ADGRG6: variants seen among roughly 807,000 people sequenced by gnomAD.
The protein encoded by ADGRG6 is G-protein coupled receptor 126.
In ADGRG6, 84 loss-of-function variants were observed where a neutral mutation model predicts 142.4. That is an observed-to-expected ratio of 0.59 (90% CI 0.49 to 0.71). The LOEUF is 0.71. ADGRG6 is among the 30% of genes least tolerant of loss of function. The pLI, the probability that ADGRG6 is intolerant of heterozygous loss-of-function variation, is 0.00. For synonymous variants in ADGRG6, 521 were observed against 520.5 expected, an observed-to-expected ratio of 1.00 and a Z score of -0.01; for missense variants, 1,367 against 1,466.6, an observed-to-expected ratio of 0.93 and a Z score of 1.11.
At chr6:142,376,821 A>G (rs1781524656) in intron 4 of ADGRG6, among the ~76,000 whole-genome samples, 1 of 152,196 alleles carries the variant, frequency 6.6e-6, no homozygotes, top group South Asian at 2.1e-4. Flanking sequence ...AACTGCAAAG[A>G]AAAAAATGAA....
chr6:142,371,963 C>A (rs1160393120), intron 4 of ADGRG6, among the ~76,000 whole-genome samples: 5 of 152,112 alleles, frequency 3.3e-5, no homozygotes, highest in Non-Finnish European at 7.4e-5. Flanking sequence ...AGGAATTATC[C>A]ATTTTTTTCT....
intron 24 of ADGRG6, among the ~76,000 whole-genome samples, chr6:142,439,293 C>A (rs1349115707): frequency 6.6e-6 from 1 of 152,214 alleles, no homozygotes; most frequent in Non-Finnish European, 1.5e-5. Flanking sequence ...AAACAGAGCA[C>A]TTTCCTAATT....
At position 142,443,526 on chromosome 6, in the gene ADGRG6, A is replaced by G; in HGVS notation, c.*11A>G. 6.3e-7 allele frequency: 1 copy of G among 1,585,168 alleles called. No individual in the cohort carries two copies. ...AGCACAAAGTTTTAATGTCTTTAAG[A>G]AAAAGAAATCAATCTGCAGAAATGT... is the stretch of plus-strand genomic sequence containing the variant. On this transcript the variant is annotated 3_prime_UTR_variant, in exon 25 of 25. Coordinates refer to ENST00000367609, the MANE Select transcript of ADGRG6 (RefSeq NM_198569.3).
At chr6:142,385,695 T>C (rs1459223409) in intron 6 of ADGRG6, among the ~76,000 whole-genome samples, 2 of 152,174 alleles carry the variant, frequency 1.3e-5, no homozygotes, top group Non-Finnish European at 2.9e-5. Flanking sequence ...GAAGCCTTTA[T>C]TATCTTTTTA....
At chr6:142,338,017 G>GTTTTGTTTTTTTTTTTT (rs1779411162) in intron 2 of ADGRG6, among the ~76,000 whole-genome samples, 1 of 35,392 alleles carries the variant, frequency 2.8e-5, no homozygotes, top group Non-Finnish European at 4.7e-5. Context: ...TTGTATCTTT[G>GTTTTGTTTTTTTTTTTT]TTTTTTTTTT....
intron 2 of ADGRG6, among the ~76,000 whole-genome samples, 169 bp downstream of exon 2, chr6:142,309,813 T>G (rs1777679367): frequency 6.6e-6 from 1 of 151,806 alleles, no homozygotes; most frequent in African/African-American, 2.4e-5. Context: ...TCTGTTCTCT[T>G]TGAATTTTGT....
At chr6:142,427,484 C>A (rs1777002681) in intron 22 of ADGRG6, among the ~76,000 whole-genome samples, 1 of 152,162 alleles carries the variant, frequency 6.6e-6, no homozygotes, top group African/African-American at 2.4e-5. Flanking sequence ...TTAAGTAAGT[C>A]TCTAGGAAGT....
chr6:142,423,528 G>T (rs1427929478), intron 22 of ADGRG6, among the ~76,000 whole-genome samples: 27 of 150,010 alleles, frequency 1.8e-4, no homozygotes, highest in Admixed American at 1.1e-3. Flanking sequence ...CATTGATCTA[G>T]ATCTCTGTTT....
intron 2 of ADGRG6, among the ~76,000 whole-genome samples, chr6:142,333,294 G>T (rs1338744358): frequency 6.6e-6 from 1 of 152,112 alleles, no homozygotes; most frequent in Non-Finnish European, 1.5e-5. Context: ...TGACTCCTTT[G>T]TTTTAACTCA....
At chr6:142,357,737 C>G (rs1333560363) in intron 2 of ADGRG6, among the ~76,000 whole-genome samples, 2 of 152,196 alleles carry the variant, frequency 1.3e-5, no homozygotes, top group Admixed American at 1.3e-4. Context: ...AAAATTTGCT[C>G]TAGCTACTAA....
In ADGRG6 at chr6:142,364,335, G is replaced by A. The variant is rs1780852047; in HGVS notation, c.104-3234G>A. 3.9e-5 allele frequency among the ~76,000 whole-genome samples: 6 copies of A among 152,070 alleles called. No homozygotes were observed. In the South Asian group the frequency reaches 1.2e-3, roughly 32 times the overall value. ...TCTAAATGCTGTCTAGCCACTGAAG[G>A]TAAGAATAATATGGAAGAATGTATC... On this transcript the variant is annotated intron_variant, in intron 2 of 24. Transcript: ENST00000367609.
Position 142,309,551 on chromosome 6 carries a change from C to T in ADGRG6, c.10C>T (p.Arg4Cys), listed in dbSNP as rs756333358. The change falls in exon 2 of 25, where the codon CGC becomes TGC. Residue 4 changes from arginine to cysteine, a missense_variant. By Grantham distance (180) the Arg-to-Cys change is radical (BLOSUM62 -3). Transcript: ENST00000367609. Reference protein sequence around the residue: MMFRSDRMWSCHWK... With the variant: MMFCSDRMWSCHWK... ...CATCTTCTTTCTTTGCAGGATGTTTCGCTCAGATCGAATGTGGAGCTGCCA... is the reference window on the plus strand; with the variant it reads ...CATCTTCTTTCTTTGCAGGATGTTTTGCTCAGATCGAATGTGGAGCTGCCA... The T allele has an allele frequency of 2.1e-5, 34 of 1,606,196 alleles. No individual in the cohort carries two copies. The highest frequency in any genetic ancestry group is 1.6e-4 in the Middle Eastern group (1 of 6,078).
intron 24 of ADGRG6, among the ~76,000 whole-genome samples, chr6:142,438,731 A>G (rs1415190262): frequency 6.6e-6 from 1 of 152,216 alleles, no homozygotes; most frequent in African/African-American, 2.4e-5. Context: ...TTACTGGACA[A>G]GTTGTCTTGG....
chr6:142,371,057 T>A, intron 4 of ADGRG6: 1 of 398,180 alleles, frequency 2.5e-6, no homozygotes, highest in Non-Finnish European at 4.5e-6. Context: ...CCCTATGTCA[T>A]AAAATATCAC....
At chr6:142,406,190 G>GTTTTTTTTTTTTTT (rs3079341) in intron 15 of ADGRG6, among the ~76,000 whole-genome samples, 1 of 148,198 alleles carries the variant, frequency 6.7e-6, no homozygotes, top group Non-Finnish European at 1.5e-5. Context: ...AAAGGAAAGG[G>GTTTTTTTTTTTTTT]TTTTTTTTTT....
intron 6 of ADGRG6, among the ~76,000 whole-genome samples, chr6:142,388,829 C>T (rs992490947): frequency 3.3e-5 from 5 of 152,150 alleles, no homozygotes; most frequent in East Asian, 1.9e-4. Flanking sequence ...TGTATAGTCA[C>T]AGAATATTAT....
intron 1 of ADGRG6, among the ~76,000 whole-genome samples, chr6:142,308,945 A>G (rs903209217): frequency 2.6e-5 from 4 of 151,916 alleles, no homozygotes; most frequent in Non-Finnish European, 5.9e-5. Flanking sequence ...ACTACTTTCT[A>G]TAATACCTGG....
At chr6:142,344,467 T>G (rs1779801773) in intron 2 of ADGRG6, among the ~76,000 whole-genome samples, 1 of 151,988 alleles carries the variant, frequency 6.6e-6, no homozygotes, top group African/African-American at 2.4e-5. Context: ...TTGTACAACT[T>G]GGCATTTCCT....
chr6:142,323,161 G>A (rs774709545), intron 2 of ADGRG6, among the ~76,000 whole-genome samples: 4 of 151,430 alleles, frequency 2.6e-5, no homozygotes, highest in African/African-American at 4.9e-5. Flanking sequence ...TGAGAATGGG[G>A]CTATTGATTG....
Sources: allele counts gnomAD v4.1 joint callset (sites outside exome capture counted in the v4.1 genomes callset), GRCh38; gene constraint gnomAD v4.1.1; transcripts MANE v1.5; gene names NCBI Gene and HGNC (gene_info 2026-07-23, HGNC 2026-07-21).